Variants in NPAS3 observed in about 807,000 individuals in gnomAD.
NPAS3 encodes the protein neuronal PAS domain protein 3.
Under a neutral mutation model 73.1 loss-of-function variants are expected in NPAS3, and 14 were observed. The observed-to-expected ratio is 0.19, with a 90% CI of 0.13 to 0.30. The LOEUF is 0.30. Ranked by LOEUF, NPAS3 falls within the 10% of genes least tolerant of loss-of-function variation. The pLI, the probability that NPAS3 is intolerant of heterozygous loss-of-function variation, is 1.00. For missense variants in NPAS3, 1,096 were observed against 1,250.0 expected (o/e 0.88, Z 1.86); for synonymous variants, 620 against 541.5 (o/e 1.14, Z -2.01).
At chr14:33,609,618 A>G (rs2057688764) in intron 5 of NPAS3, among the ~76,000 whole-genome samples, 1 of 152,114 alleles carries the variant, frequency 6.6e-6, no homozygotes, top group Non-Finnish European at 1.5e-5. Flanking sequence ...CAACATTAAC[A>G]TTAATGGGAG....
At position 33,544,791 on chromosome 14, in the gene NPAS3, TA is replaced by T. The variant is rs1566989433; in HGVS notation, c.469-15329del. The stretch of plus-strand genomic sequence containing the variant: ...TGTATGTGTTTATGTGTGTGTATTA[TA>T]TATATATATATATATATATGTATAT... On this transcript the variant is annotated intron_variant, in intron 4 of 11. Coordinates refer to ENST00000356141, the Ensembl canonical transcript of NPAS3. 1.8e-4 allele frequency among the ~76,000 whole-genome samples: 15 copies of T among 83,360 alleles called. 2 individuals are homozygous for T. The highest frequency in any genetic ancestry group is 2.9e-4 in the Non-Finnish European group (13 of 45,250). The allele number at this position is 83,360 out of a possible 152,430, so 54.7% of individuals were successfully genotyped here.
chr14:33,570,135 G>C (rs920500289), intron 5 of NPAS3, among the ~76,000 whole-genome samples: 1 of 152,120 alleles, frequency 6.6e-6, no homozygotes, highest in African/African-American at 2.4e-5. Context: ...AGAGAGAGAG[G>C]CACAAAAATT....
chr14:33,731,232 T>C (rs1271639823), intron 6 of NPAS3, among the ~76,000 whole-genome samples: 1 of 151,818 alleles, frequency 6.6e-6, no homozygotes, highest in Non-Finnish European at 1.5e-5. Context: ...TGAAACCCCA[T>C]CTACAAAAAA....
intron 5 of NPAS3, among the ~76,000 whole-genome samples, chr14:33,562,280 A>C (rs1049200337): frequency 6.6e-6 from 1 of 152,184 alleles, no homozygotes; most frequent in Non-Finnish European, 1.5e-5. Context: ...CTGTGTAGAC[A>C]TGGTACAGTA....
At position 33,794,056 on chromosome 14, in the gene NPAS3, A is replaced by G. The variant is rs765844197; in HGVS notation, c.1301+12A>G. ...AATTACCTTCTTAGGTATATTTTCT[A>G]CTTCTTTTCTATTTCTGTCCTGGTT... On this transcript the variant is annotated intron_variant, in intron 10 of 11. Coordinates refer to ENST00000356141, the Ensembl canonical transcript of NPAS3. 12 of 1,607,034 alleles carry G rather than the reference A, an allele frequency of 7.5e-6. No homozygotes were observed. The highest frequency in any genetic ancestry group is 1.0e-5 in the Non-Finnish European group (12 of 1,176,122).
At chr14:33,524,217 T>C (rs2053689377) in intron 4 of NPAS3, among the ~76,000 whole-genome samples, 1 of 152,190 alleles carries the variant, frequency 6.6e-6, no homozygotes, top group Non-Finnish European at 1.5e-5. Context: ...AACTGCATCC[T>C]GTTCCTTTCC....
In NPAS3 at chr14:33,509,085, C is replaced by T. The variant is rs556613044; in HGVS notation, c.469-51036C>T. Among the ~76,000 whole-genome samples, 241 of 150,574 alleles carry T rather than the reference C, an allele frequency of 1.6e-3. 1 individual carries two copies. The highest frequency in any genetic ancestry group is 2.6e-3 in the Non-Finnish European group (176 of 67,760). ...TTTTTTTTTTTACCTGAGACTATAT[C>T]CTATATGTAAGTAAGAGGATTCAAT... On this transcript the variant is annotated intron_variant, in intron 4 of 11. Coordinates refer to ENST00000356141, the Ensembl canonical transcript of NPAS3.
intron 2 of NPAS3, among the ~76,000 whole-genome samples, chr14:33,166,853 G>A (rs2045178762): frequency 6.6e-6 from 1 of 152,136 alleles, no homozygotes; most frequent in African/African-American, 2.4e-5. Flanking sequence ...GAGCTTAGGA[G>A]GAAAAGGTTA....
rs190665469 is a variant in NPAS3, at chr14:33,740,196, T to A, written c.852+4864T>A. Among the ~76,000 whole-genome samples, 322 of 152,302 alleles carry A rather than the reference T, an allele frequency of 2.1e-3. 1 individual carries two copies. Among genetic ancestry groups the A allele is most frequent in the Non-Finnish European group, 3.4e-3 (230 of 68,020 alleles). On this transcript the variant is annotated intron_variant, in intron 7 of 11. Transcript: ENST00000356141. ...TACTTTCATATAATATCATCTGAAC[T>A]TCACAATAATCATTTTAGAAAATTA...
chr14:33,288,627 A>T (rs1245695843), intron 3 of NPAS3, among the ~76,000 whole-genome samples: 1 of 151,950 alleles, frequency 6.6e-6, no homozygotes, highest in Non-Finnish European at 1.5e-5. Context: ...AACACATCTA[A>T]ACTATGATGT....
chr14:33,089,497 T>C (rs1009514312), intron 2 of NPAS3, among the ~76,000 whole-genome samples: 3 of 152,162 alleles, frequency 2.0e-5, no homozygotes, highest in African/African-American at 7.2e-5. Context: ...TATGGGACTA[T>C]GTGAAAAGGC....
At chr14:32,977,715 G>A (rs1375549082) in intron 1 of NPAS3, among the ~76,000 whole-genome samples, 1 of 152,086 alleles carries the variant, frequency 6.6e-6, no homozygotes, top group Non-Finnish European at 1.5e-5. Flanking sequence ...CTGGGTGACA[G>A]CAAGACACTG....
At chr14:33,216,003 T>C (rs1326144799) in intron 3 of NPAS3, among the ~76,000 whole-genome samples, 1 of 152,250 alleles carries the variant, frequency 6.6e-6, no homozygotes, top group East Asian at 1.9e-4. Flanking sequence ...ACTTAGTATC[T>C]TTAAATGTTA....
intron 5 of NPAS3, among the ~76,000 whole-genome samples, chr14:33,651,827 A>G (rs2059003692): frequency 6.6e-6 from 1 of 152,094 alleles, no homozygotes; most frequent in Admixed American, 6.6e-5. Context: ...TTGGTGGCTT[A>G]TTTTTCTTTT....
At chr14:33,711,565 G>T (rs4981204) in intron 6 of NPAS3, among the ~76,000 whole-genome samples, 46,235 of 151,976 alleles carry the variant, frequency 0.3, 7,632 homozygotes, top group Admixed American at 0.5. Context: ...GTTTTCATTC[G>T]CCTGTTTTAT....
At chr14:33,407,488 T>C (rs769596620) in intron 4 of NPAS3, among the ~76,000 whole-genome samples, 1 of 152,122 alleles carries the variant, frequency 6.6e-6, no homozygotes, top group Non-Finnish European at 1.5e-5. Flanking sequence ...TTTCTTCCAA[T>C]TTTTAGTATT....
chr14:33,593,665 G>A (rs2139958374), intron 5 of NPAS3, among the ~76,000 whole-genome samples: 1 of 152,270 alleles, frequency 6.6e-6, no homozygotes, highest in Non-Finnish European at 1.5e-5. Flanking sequence ...TGATTTCTAA[G>A]GTTTCTTCTA....
chr14:33,541,098 T>G lies in NPAS3; in HGVS notation c.469-19023T>G, dbSNP rs11625929. 7.4e-3 allele frequency among the ~76,000 whole-genome samples: 569 copies of G among 76,472 alleles called. 9 individuals are homozygous for G. The highest frequency in any genetic ancestry group is 0.04 in the African/African-American group (424 of 10,618). The allele number at this position is 76,472 out of a possible 152,430, so 50.2% of individuals were successfully genotyped here. Reference sequence around the variant, plus strand: ...ACTATTGTTGGGGTATGTTTAGAGGTGTGTGTGTGTGTGTGTGTGTGTGTG... The same window carrying G: ...ACTATTGTTGGGGTATGTTTAGAGGGGTGTGTGTGTGTGTGTGTGTGTGTG... On this transcript the variant is annotated intron_variant, in intron 4 of 11. Transcript: ENST00000356141.
intron 7 of NPAS3, among the ~76,000 whole-genome samples, chr14:33,736,293 G>A (rs2061522198): frequency 6.6e-6 from 1 of 152,174 alleles, no homozygotes; most frequent in African/African-American, 2.4e-5. Flanking sequence ...CAGCTGTATA[G>A]AAGTCAGAGT....
Sources: allele counts gnomAD v4.1 joint callset (sites outside exome capture counted in the v4.1 genomes callset), GRCh38; gene constraint gnomAD v4.1.1; transcripts MANE v1.5; gene names NCBI Gene and HGNC (gene_info 2026-07-23, HGNC 2026-07-21).